The following RPTOR variants were observed in gnomAD, a reference collection of about 807,000 sequenced individuals.
RPTOR encodes the protein regulatory associated protein of MTOR complex 1, also known as regulatory-associated protein of mTOR.
A neutral mutation model predicts 169.9 loss-of-function variants in RPTOR; 21 were observed. The observed-to-expected ratio is 0.12, with a 90% CI of 0.09 to 0.18. The LOEUF (loss-of-function observed/expected upper bound fraction) is 0.18. Among genes scored for constraint, RPTOR ranks in the 10% least tolerant of loss-of-function variants. The probability of loss-of-function intolerance (pLI) is 1.00; values close to 1 mark genes in which losing one functional copy is unlikely to be tolerated. For synonymous variants in RPTOR, 732 were observed against 753.2 expected (o/e 0.97, Z 0.46); for missense variants, 1,133 against 1,855.9 (o/e 0.61, Z 7.16).
rs538698034 is a variant in RPTOR at position 80,638,548 on chromosome 17, T to G, written c.266-5180T>G. ...TCCTGAGTAGCTGGAACCACAGGCA[T>G]GCACCAACACGCTGATTAATTAAAA... On this transcript the variant is annotated intron_variant, in intron 2 of 33. Coordinates refer to ENST00000306801, the MANE Select transcript of RPTOR (RefSeq NM_020761.3). Among the ~76,000 whole-genome samples the G allele has an allele frequency of 2.2e-3, 338 of 151,696 alleles. 3 individuals are homozygous for G. Among genetic ancestry groups the G allele is most frequent in the African/African-American group, 7.9e-3 (327 of 41,308 alleles).
chr17:80,897,196 C>G (rs943259312), intron 20 of RPTOR, among the ~76,000 whole-genome samples: 2 of 150,898 alleles, frequency 1.3e-5, no homozygotes, highest in Non-Finnish European at 2.9e-5. Context: ...TTGCAGTGAG[C>G]GGAGATCACA....
intron 6 of RPTOR, among the ~76,000 whole-genome samples, chr17:80,772,721 C>G (rs2066856942): frequency 6.6e-6 from 1 of 151,786 alleles, no homozygotes; most frequent in African/African-American, 2.4e-5. Context: ...AGTTTGTAAG[C>G]AAAAATCTTC....
At chr17:80,857,546 AC>A (rs1567952152) in intron 12 of RPTOR, among the ~76,000 whole-genome samples, 3 of 152,354 alleles carry the variant, frequency 2.0e-5, no homozygotes, top group Admixed American at 1.3e-4. Flanking sequence ...AAAAGCTGCC[AC>A]CCGATTCATT....
intron 13 of RPTOR, among the ~76,000 whole-genome samples, chr17:80,863,833 T>A (rs942840310): frequency 3.3e-5 from 5 of 152,016 alleles, no homozygotes; most frequent in African/African-American, 1.2e-4. Flanking sequence ...GGCGGGAGAA[T>A]CGCTTGAGCC....
At chr17:80,744,109 C>T (rs368973305) in intron 5 of RPTOR, among the ~76,000 whole-genome samples, 185 of 24,786 alleles carry the variant, frequency 7.5e-3, no homozygotes, top group East Asian at 0.014. Context: ...ACTAGCACAG[C>T]CCTGGTTACT....
chr17:80,650,585 A>T (rs922249473), intron 3 of RPTOR, among the ~76,000 whole-genome samples: 1 of 152,154 alleles, frequency 6.6e-6, no homozygotes, highest in Non-Finnish European at 1.5e-5. Context: ...TAGAAATGTA[A>T]CTCTGGACAA....
intron 1 of RPTOR, among the ~76,000 whole-genome samples, chr17:80,552,180 G>A (rs1341217537): frequency 2.6e-5 from 4 of 152,190 alleles, no homozygotes; most frequent in South Asian, 2.1e-4. Flanking sequence ...CCCCACAAAA[G>A]TGTGAATCAG....
rs1308765246 is a variant in RPTOR, at chr17:80,901,892, G to A, written c.2402-6919G>A. Among the ~76,000 whole-genome samples, 8 of 150,664 alleles carry A rather than the reference G, an allele frequency of 5.3e-5. No individual in the cohort carries two copies. The East Asian group carries it at 1.2e-3, about 23-fold the overall frequency. On this transcript the variant is annotated intron_variant, in intron 20 of 33. Transcript: ENST00000306801. ...CAGTCACGTGTTTCCTTTCTTCCCC[G>A]TGGCAATGAAGCCCCTTGGCTGGTA...
rs1246240530 is a variant in RPTOR, at chr17:80,861,647, A to G, written c.1509+3747A>G. 1.3e-5 allele frequency among the ~76,000 whole-genome samples: 2 copies of G among 152,172 alleles called. No individual in the cohort carries two copies. Among genetic ancestry groups the G allele is most frequent in the Non-Finnish European group, 1.5e-5 (1 of 68,024 alleles). ...GGATGCACAAAACGGTGACCCTCAC[A>G]TGACACAAAGCCCAGGGTGAAGGGA... On this transcript the variant is annotated intron_variant, in intron 13 of 33. Transcript: ENST00000306801. The surrounding 1 kb of genome is among the most constrained non-coding windows in gnomAD (Gnocchi z 4.5).
At chr17:80,963,911 C>G (rs916299635) in intron 33 of RPTOR, among the ~76,000 whole-genome samples, 1 of 152,096 alleles carries the variant, frequency 6.6e-6, no homozygotes, top group Non-Finnish European at 1.5e-5. Flanking sequence ...GGCTTCAGGC[C>G]GTTGTTTTTA....
chr17:80,662,930 G>T (rs116791392), intron 3 of RPTOR, among the ~76,000 whole-genome samples: 2 of 152,208 alleles, frequency 1.3e-5, no homozygotes, highest in African/African-American at 4.8e-5. Flanking sequence ...AGCTGTGCCT[G>T]CATCCGGGAA....
intron 13 of RPTOR, among the ~76,000 whole-genome samples, chr17:80,876,147 G>A (rs371041556): frequency 1.7e-3 from 179 of 102,504 alleles, no homozygotes; most frequent in East Asian, 3.2e-3. Flanking sequence ...GTCACCTGCC[G>A]GGTCTTCCAC....
At chr17:80,720,176 T>C (rs915083599) in intron 4 of RPTOR, among the ~76,000 whole-genome samples, 1 of 152,050 alleles carries the variant, frequency 6.6e-6, no homozygotes, top group South Asian at 2.1e-4. Context: ...CGGGCACCTG[T>C]AATCCCAGCT....
chr17:80,791,533 G>A, intron 7 of RPTOR, 24 bp downstream of exon 7: 2 of 1,608,082 alleles, frequency 1.2e-6, no homozygotes, highest in Non-Finnish European at 1.7e-6. Context: ...TTAAGCTCTT[G>A]TGGCTCTCTG....
rs2069149117 is a variant in RPTOR at position 80,949,670 on chromosome 17, T to G, written c.3370+123T>G. On this transcript the variant is annotated intron_variant, in intron 28 of 33. Transcript: ENST00000306801. ...CTGCTCCACCTCAGAGTCCCCAGAA[T>G]CCTAAAGCAACAGCTCCCCGCCAAT... 5 of 770,256 alleles carry G rather than the reference T, an allele frequency of 6.5e-6. No individual in the cohort carries two copies. In the African/African-American group the frequency reaches 6.9e-5, roughly 11 times the overall value. The allele number at this position is 770,256 out of a possible 1,614,324, so 47.7% of individuals were successfully genotyped here.
At chr17:80,628,656 T>G (rs2065414823) in intron 2 of RPTOR, among the ~76,000 whole-genome samples, 1 of 152,164 alleles carries the variant, frequency 6.6e-6, no homozygotes, top group Non-Finnish European at 1.5e-5. Context: ...TTTTTTTTCT[T>G]TTAGAGATGG....
intron 11 of RPTOR, among the ~76,000 whole-genome samples, chr17:80,848,807 A>G (rs189835352): frequency 6.6e-6 from 1 of 152,372 alleles, no homozygotes; most frequent in Admixed American, 6.5e-5. Context: ...ATCTTTTTGT[A>G]AATGGCCTTC....
chr17:80,611,501 A>C (rs943271883), intron 1 of RPTOR, among the ~76,000 whole-genome samples: 1 of 152,076 alleles, frequency 6.6e-6, no homozygotes, highest in East Asian at 1.9e-4. Flanking sequence ...TCCTGACCTA[A>C]AGTGATTTGC....
chr17:80,799,718 T>TCCCCGGCGGCCG (rs1349092525), intron 7 of RPTOR, among the ~76,000 whole-genome samples: 3 of 148,050 alleles, frequency 2.0e-5, no homozygotes, highest in South Asian at 2.1e-4. Flanking sequence ...ACCCCTCCCC[T>TCCCCGGCGGCCG]CCCTGGCGGC....
Sources: allele counts gnomAD v4.1 joint callset (sites outside exome capture counted in the v4.1 genomes callset), GRCh38; gene constraint gnomAD v4.1.1; non-coding constraint Gnocchi (gnomAD v3.1); transcripts MANE v1.5; gene names NCBI Gene and HGNC (gene_info 2026-07-23, HGNC 2026-07-21).